The following KANK1 variants were observed in gnomAD, a reference collection of about 807,000 sequenced individuals.
The protein encoded by KANK1 is KN motif and ankyrin repeat domain-containing protein 1.
KANK1 carries 109 observed loss-of-function variants against 106.2 expected under a neutral mutation model. The observed-to-expected ratio is 1.03, with a 90% CI of 0.88 to 1.20. The LOEUF (loss-of-function observed/expected upper bound fraction) is 1.20. Ranked by LOEUF, KANK1 falls within the 50% of genes most tolerant of loss-of-function variation. The pLI, the probability that KANK1 is intolerant of heterozygous loss-of-function variation, is 0.00. For synonymous variants in KANK1, 873 were observed against 652.2 expected (o/e 1.34, Z -5.16); for missense variants, 2,399 against 1,710.7 (o/e 1.40, Z -7.10).
chr9:568,478 A>G (rs577223860), intron 1 of KANK1, among the ~76,000 whole-genome samples: 101 of 152,196 alleles, frequency 6.6e-4, no homozygotes, highest in African/African-American at 2.4e-3. Context: ...AGAGGCAGAG[A>G]CTTGCTCTGT....
In KANK1 at chr9:745,889, T is replaced by G. The variant is rs921736215; in HGVS notation, c.*654T>G. The G allele has an allele frequency of 7.9e-5, 12 of 152,648 alleles. No individual in the cohort carries two copies. Among genetic ancestry groups the G allele is most frequent in the African/African-American group, 2.9e-4 (12 of 41,448 alleles). The allele number at this position is 152,648 out of a possible 1,614,324, so 9.5% of individuals were successfully genotyped here. ...AAGCCATGAAGAACTACACGTAACA[T>G]CATCATTTGTATTAATTGCACAACT... On this transcript the variant is annotated 3_prime_UTR_variant, in exon 12 of 12. Coordinates refer to ENST00000382297, the MANE Select transcript of KANK1 (RefSeq NM_015158.5).
At chr9:722,328 T>G (rs1356638158) in intron 3 of KANK1, among the ~76,000 whole-genome samples, 1 of 152,150 alleles carries the variant, frequency 6.6e-6, no homozygotes, top group Non-Finnish European at 1.5e-5. Flanking sequence ...TCTCTCTCTC[T>G]CTGTCTCTCT....
chr9:611,777 G>C (rs1054737603), intron 1 of KANK1, among the ~76,000 whole-genome samples: 1 of 152,070 alleles, frequency 6.6e-6, no homozygotes, highest in African/African-American at 2.4e-5. Context: ...GGAGTGCAGC[G>C]GTGCAGTCTC....
chr9:730,012 C>G (rs775995100), intron 3 of KANK1, 39 bp from the exon 4 acceptor site: 25 of 1,565,966 alleles, frequency 1.6e-5, no homozygotes, highest in Non-Finnish European at 2.2e-5. Context: ...TTTTTCAGTC[C>G]TAGCATCACA....
chr9:707,239 C>T (rs1000693378), intron 2 of KANK1: 5 of 985,946 alleles, frequency 5.1e-6, no homozygotes, highest in African/African-American at 3.5e-5. Context: ...GCGCGGCGGG[C>T]GCCACGTGGT....
chr9:508,602 T>C (rs935710489), intron 1 of KANK1, among the ~76,000 whole-genome samples: 1 of 151,760 alleles, frequency 6.6e-6, no homozygotes, highest in African/African-American at 2.4e-5. Context: ...TTGTGCCAAC[T>C]GTGGATTAGT....
In KANK1 at chr9:538,018, T is replaced by C. The variant is rs12115561; in HGVS notation, c.-84+33264T>C. On this transcript the variant is annotated intron_variant, in intron 1 of 11. Transcript: ENST00000382297. ...TTTATTTACTGTTGATTCCCCTCTC[T>C]CTTGTTAAGCTATTCATCCTTTTTT... 3.4e-3 allele frequency among the ~76,000 whole-genome samples: 517 copies of C among 152,248 alleles called. 1 individual carries two copies. The highest frequency in any genetic ancestry group is 0.012 in the African/African-American group (494 of 41,540).
chr9:744,689 T>C (rs1404016344), intron 11 of KANK1, 100 bp downstream of exon 11: 2 of 1,601,892 alleles, frequency 1.2e-6, no homozygotes, highest in African/African-American at 2.7e-5. Context: ...TTTATGTTGA[T>C]TCAGAAAATG....
chr9:621,346 G>A (rs1268733153), intron 1 of KANK1, among the ~76,000 whole-genome samples: 1 of 152,068 alleles, frequency 6.6e-6, no homozygotes, highest in Non-Finnish European at 1.5e-5. Context: ...AAAAACAAGT[G>A]TGAGCAAAGT....
At chr9:624,264 G>C (rs1275664288) in intron 1 of KANK1, among the ~76,000 whole-genome samples, 1 of 152,120 alleles carries the variant, frequency 6.6e-6, no homozygotes, top group Non-Finnish European at 1.5e-5. Flanking sequence ...AAGGGTACAA[G>C]CTTTCATTTA....
At chr9:515,004 A>G (rs1423304582) in intron 1 of KANK1, among the ~76,000 whole-genome samples, 5 of 151,786 alleles carry the variant, frequency 3.3e-5, no homozygotes, top group Non-Finnish European at 7.3e-5. Flanking sequence ...GAACACCTCA[A>G]AAAGGGTTCA....
intron 1 of KANK1, among the ~76,000 whole-genome samples, chr9:582,318 C>A (rs1822374881): frequency 6.6e-6 from 1 of 152,080 alleles, no homozygotes; most frequent in African/African-American, 2.4e-5. Flanking sequence ...TTGGCTGTTT[C>A]CAAAACCCAT....
chr9:616,271 G>A (rs1216538115), intron 1 of KANK1, among the ~76,000 whole-genome samples: 4 of 152,164 alleles, frequency 2.6e-5, no homozygotes, highest in African/African-American at 9.7e-5. Context: ...CTTTTCAGCA[G>A]TCACTTCAGT....
chr9:669,288 A>G (rs1845374007), intron 1 of KANK1, among the ~76,000 whole-genome samples: 1 of 152,104 alleles, frequency 6.6e-6, no homozygotes, highest in Non-Finnish European at 1.5e-5. Flanking sequence ...GGGTTTCTAT[A>G]CTTGATGTTA....
intron 1 of KANK1, among the ~76,000 whole-genome samples, chr9:512,354 A>G (rs763165298): frequency 1.3e-5 from 2 of 152,072 alleles, no homozygotes; most frequent in Non-Finnish European, 2.9e-5. Flanking sequence ...AGATGGAGAC[A>G]AGGAGAGTCT....
chr9:538,442 G>A (rs2060420100), intron 1 of KANK1, among the ~76,000 whole-genome samples: 1 of 152,196 alleles, frequency 6.6e-6, no homozygotes, highest in South Asian at 2.1e-4. Flanking sequence ...TAGCATTTCA[G>A]TAAAGATTAC....
chr9:579,164 G>T (rs903032241), intron 1 of KANK1, among the ~76,000 whole-genome samples: 11 of 152,270 alleles, frequency 7.2e-5, no homozygotes, highest in South Asian at 2.1e-4. Context: ...GAGGTATTCA[G>T]TTGAGGGCTG....
chr9:606,250 T>C (rs980370250), intron 1 of KANK1, among the ~76,000 whole-genome samples: 3 of 150,998 alleles, frequency 2.0e-5, no homozygotes, highest in Admixed American at 1.3e-4. Flanking sequence ...ATTTTAAAAA[T>C]ATATATTTTT....
chr9:548,036 A>G (rs914247748), intron 1 of KANK1, among the ~76,000 whole-genome samples: 7 of 152,324 alleles, frequency 4.6e-5, no homozygotes, highest in African/African-American at 1.7e-4. Flanking sequence ...ATCTTCCTTC[A>G]TAACTATGAT....
Sources: gnomAD v4.1 joint callset for allele counts (sites outside exome capture counted in the v4.1 genomes callset) on GRCh38, gnomAD v4.1.1 for gene constraint, MANE v1.5 for transcripts, NCBI Gene and HGNC (gene_info 2026-07-23, HGNC 2026-07-21) for gene names.